Variants in DMTF1 observed in about 807,000 individuals in gnomAD.
DMTF1 encodes the protein cyclin-D-binding Myb-like transcription factor 1.
Under a neutral mutation model 91.1 loss-of-function variants are expected in DMTF1, and 39 were observed. The observed-to-expected ratio is 0.43, with a 90% confidence interval of 0.33 to 0.56. DMTF1 has a LOEUF of 0.56. Among genes scored for constraint, DMTF1 ranks in the 20% least tolerant of loss-of-function variants. The pLI is 0.05. For missense variants in DMTF1, 750 were observed against 914.5 expected (o/e 0.82, Z 2.32); for synonymous variants, 338 against 309.5 (o/e 1.09, Z -0.97).
intron 1 of DMTF1, among the ~76,000 whole-genome samples, chr7:87,161,323 C>A (rs1792326808): frequency 6.6e-6 from 1 of 152,110 alleles, no homozygotes; most frequent in South Asian, 2.1e-4. Context: ...CATGGTGAAA[C>A]CCCATCTCTA....
intron 1 of DMTF1, among the ~76,000 whole-genome samples, chr7:87,155,897 T>C (rs1790575668): frequency 6.6e-6 from 1 of 152,276 alleles, no homozygotes; most frequent in South Asian, 2.1e-4. Flanking sequence ...ATGTACACTG[T>C]TAGGTCATTC....
In DMTF1 at chr7:87,196,167, T is replaced by C. The variant is rs1173080205; in HGVS notation, c.*1027T>C. ...AAGTCAAGAAAAAAAAACCCTTGTA[T>C]AAATTATTTTATTTATTATTGTAAT... On this transcript the variant is annotated 3_prime_UTR_variant, in exon 18 of 18. Coordinates refer to ENST00000331242, the MANE Select transcript of DMTF1 (RefSeq NM_001142327.2). The C allele has an allele frequency of 6.5e-6, 1 of 153,568 alleles. No homozygotes were observed. Among genetic ancestry groups the C allele is most frequent in the African/African-American group, 2.4e-5 (1 of 41,460 alleles). 9.5% of individuals were successfully genotyped at this position (153,568 alleles called of 1,614,324 possible). A position where few individuals can be genotyped will look rare whatever the true frequency, so the allele number is the denominator to read the frequency against.
intron 7 of DMTF1, among the ~76,000 whole-genome samples, chr7:87,176,736 A>G (rs1796343825): frequency 6.6e-6 from 1 of 152,218 alleles, no homozygotes; most frequent in African/African-American, 2.4e-5. Flanking sequence ...GGAAATGTCC[A>G]AAAGATTATT....
chr7:87,184,322 C>T, intron 10 of DMTF1, 75 bp from the exon 11 acceptor site: 1 of 1,380,450 alleles, frequency 7.2e-7, no homozygotes, highest in South Asian at 1.3e-5. Flanking sequence ...TCCTATCAGT[C>T]CTTGTAAATA....
intron 1 of DMTF1, among the ~76,000 whole-genome samples, chr7:87,157,985 TAAAG>T (rs1345439434): frequency 1.3e-5 from 2 of 152,110 alleles, no homozygotes; most frequent in Non-Finnish European, 2.9e-5. Flanking sequence ...TATGATGCAT[TAAAG>T]AAGTTCACTG....
intron 1 of DMTF1, among the ~76,000 whole-genome samples, chr7:87,162,446 C>T (rs1037802746): frequency 1.3e-5 from 2 of 152,094 alleles, no homozygotes; most frequent in Non-Finnish European, 1.5e-5. Context: ...TTCTAAAAAG[C>T]AGGATATAAA....
chr7:87,164,891 G>C, intron 2 of DMTF1, 43 bp from the exon 3 acceptor site: 1 of 1,202,994 alleles, frequency 8.3e-7, no homozygotes, highest in Non-Finnish European at 1.2e-6. Flanking sequence ...TCATATTTGG[G>C]AATAATTTTT....
chr7:87,184,985 C>A, intron 11 of DMTF1: 1 of 438,524 alleles, frequency 2.3e-6, no homozygotes, highest in Non-Finnish European at 4.5e-6. Flanking sequence ...GATAAGAGGG[C>A]TGTTCAGTCT....
intron 1 of DMTF1, chr7:87,154,433 C>G (rs1790145256): frequency 6.6e-6 from 1 of 152,600 alleles, no homozygotes; most frequent in Non-Finnish European, 1.5e-5. Context: ...ACTGATTTAG[C>G]ACCTGCATAT....
intron 17 of DMTF1, 59 bp from the exon 18 acceptor site, chr7:87,194,972 C>G: frequency 6.7e-7 from 1 of 1,500,264 alleles, no homozygotes; most frequent in Non-Finnish European, 9.2e-7. Context: ...ACCTTAAATT[C>G]TTGACATGGA....
chr7:87,164,299 C>A (rs929747176), intron 2 of DMTF1: 2 of 152,004 alleles, frequency 1.3e-5, no homozygotes, highest in Non-Finnish European at 2.9e-5. Context: ...TCTGTCTGAA[C>A]AAGAGGAAAA....
At chr7:87,166,730 A>G (rs1227173506) in intron 4 of DMTF1, 125 bp downstream of exon 4, 3 of 897,026 alleles carry the variant, frequency 3.3e-6, no homozygotes, top group Non-Finnish European at 5.3e-6. Flanking sequence ...TAGTCAAACC[A>G]CCTCTTTTTA....
At chr7:87,194,892 A>C in intron 17 of DMTF1, 64 bp downstream of exon 17, 1 of 1,527,164 alleles carries the variant, frequency 6.5e-7, no homozygotes, top group Non-Finnish European at 8.9e-7. Context: ...CAGACATTTA[A>C]TTAACTTGTT....
chr7:87,187,670 CCT>C, intron 12 of DMTF1: 1 of 182,214 alleles, frequency 5.5e-6, no homozygotes, highest in Non-Finnish European at 1.1e-5. Context: ...GAAGTTGCTA[CCT>C]CTAGACCAAC....
intron 8 of DMTF1, among the ~76,000 whole-genome samples, chr7:87,180,886 G>T (rs897420769): frequency 2.9e-5 from 4 of 135,600 alleles, no homozygotes; most frequent in Non-Finnish European, 6.2e-5. Context: ...TTGAGACAGA[G>T]TCTGTGTTGC....
At position 87,187,075 on chromosome 7, in the gene DMTF1, TTTTG is replaced by T. The variant is rs199611000; in HGVS notation, c.1202-1014_1202-1011del. The T allele has an allele frequency of 1.2e-4, 19 of 152,304 alleles. No homozygotes were observed. In the East Asian group the frequency reaches 2.5e-3, roughly 20 times the overall value. 9.4% of individuals were successfully genotyped at this position (152,304 alleles called of 1,614,324 possible). Reference sequence around the variant, plus strand: ...GGGTTTGCTTAAAGTGAAGCATACTTTTTGTTGCCTGTTTTGCATTTAGGTATTA... The same window carrying T: ...GGGTTTGCTTAAAGTGAAGCATACTTTTGCCTGTTTTGCATTTAGGTATTA... On this transcript the variant is annotated intron_variant, in intron 12 of 17. Transcript: ENST00000331242.
intron 13 of DMTF1, among the ~76,000 whole-genome samples, chr7:87,190,290 G>GT (rs1283681334): frequency 6.6e-6 from 1 of 151,716 alleles, no homozygotes; most frequent in Non-Finnish European, 1.5e-5. Context: ...GCTGTATGAG[G>GT]TAGGCAGGAC....
chr7:87,190,579 T>C (rs1799517600), intron 13 of DMTF1, among the ~76,000 whole-genome samples: 1 of 152,082 alleles, frequency 6.6e-6, no homozygotes, highest in Non-Finnish European at 1.5e-5. Flanking sequence ...ATATAGTAAA[T>C]ATTTTAGGCT....
intron 16 of DMTF1, 45 bp downstream of exon 16, chr7:87,194,147 C>T (rs1800578399): frequency 1.3e-6 from 2 of 1,509,124 alleles, no homozygotes; most frequent in African/African-American, 2.8e-5. Context: ...TTGCCTTGAG[C>T]CTCAAACCTG....
Sources: gnomAD v4.1 joint callset for allele counts (sites outside exome capture counted in the v4.1 genomes callset) on GRCh38, gnomAD v4.1.1 for gene constraint, MANE v1.5 for transcripts, NCBI Gene and HGNC (gene_info 2026-07-23, HGNC 2026-07-21) for gene names.